The following CROCC2 variants were observed in gnomAD, a reference collection of about 807,000 sequenced individuals.
CROCC2 encodes ciliary rootlet coiled-coil protein 2.
CROCC2 carries 163 observed loss-of-function variants against 177.6 expected under a neutral mutation model. The ratio of observed to expected loss-of-function variants is 0.92; its 90% CI spans 0.81 to 1.05. CROCC2 has a LOEUF of 1.05. Ranked by LOEUF, CROCC2 falls within the 50% of genes least tolerant of loss-of-function variation. The pLI, the probability that CROCC2 is intolerant of heterozygous loss-of-function variation, is 0.00. For synonymous variants in CROCC2, 904 were observed against 787.3 expected (o/e 1.15, Z -2.48); for missense variants, 1,929 against 1,797.8 (o/e 1.07, Z -1.32).
chr2:240,932,079 G>C (rs556308792), intron 7 of CROCC2, among the ~76,000 whole-genome samples: 12 of 152,386 alleles, frequency 7.9e-5, no homozygotes, highest in African/African-American at 2.6e-4. Flanking sequence ...CACTGCATCT[G>C]AGGCTGGAGA....
chr2:240,959,640 T>A, intron 20 of CROCC2, 196 bp downstream of exon 20: 1 of 622,862 alleles, frequency 1.6e-6, no homozygotes, highest in Non-Finnish European at 2.6e-6. Flanking sequence ...CACCACGCAC[T>A]AAGCCAAGCC....
At chr2:240,962,492 A>AGGGGAGCG (rs1157434813) in intron 20 of CROCC2, among the ~76,000 whole-genome samples, 1 of 151,970 alleles carries the variant, frequency 6.6e-6, no homozygotes, top group Non-Finnish European at 1.5e-5. Context: ...GTGGGGGTGG[A>AGGGGAGCG]GGGGAGCGGA....
chr2:240,955,143 A>T (rs1273769026), intron 18 of CROCC2: 6 of 152,060 alleles, frequency 3.9e-5, no homozygotes, highest in Non-Finnish European at 7.4e-5. Flanking sequence ...TCTGGGCTGC[A>T]TGCTGAGCTG....
chr2:240,956,818 G>A (rs532876696), intron 19 of CROCC2, among the ~76,000 whole-genome samples: 33 of 152,344 alleles, frequency 2.2e-4, no homozygotes, highest in African/African-American at 7.5e-4. Context: ...ATCTGTGATG[G>A]GGCACCAGGT....
rs1559588906 is a variant in CROCC2 at position 240,917,677 on chromosome 2, T to G, written c.79-1049T>G. The stretch of plus-strand genomic sequence containing the variant: ...TCTGGCGTGCCATGCTGGAGAGCCC[T>G]AGGAGTGGACATCCCCTCCCAGCTT... On this transcript the variant is annotated intron_variant, in intron 1 of 31. Coordinates refer to ENST00000690015, the MANE Select transcript of CROCC2 (RefSeq NM_001351305.2). This position sits in a 1 kb window ranked among gnomAD's most constrained non-coding sequence, Gnocchi z 4.9. 1.3e-5 allele frequency among the ~76,000 whole-genome samples: 2 copies of G among 152,104 alleles called. No individual in the cohort carries two copies. Among genetic ancestry groups the G allele is most frequent in the East Asian group, 3.9e-4 (2 of 5,190 alleles).
At chr2:240,921,933 A>C (rs1168111971) in intron 3 of CROCC2, among the ~76,000 whole-genome samples, 2 of 152,162 alleles carry the variant, frequency 1.3e-5, no homozygotes, top group Non-Finnish European at 2.9e-5. Flanking sequence ...CAGTGGTGGC[A>C]GAGTGGCCCT....
intron 1 of CROCC2, among the ~76,000 whole-genome samples, chr2:240,913,304 C>G (rs944380808): frequency 5.9e-5 from 9 of 152,102 alleles, no homozygotes; most frequent in Admixed American, 5.2e-4. Context: ...ACACAGTGCC[C>G]GGGCTCTCTA....
At chr2:240,956,833 C>T (rs1265646679) in intron 19 of CROCC2, among the ~76,000 whole-genome samples, 1 of 152,212 alleles carries the variant, frequency 6.6e-6, no homozygotes, top group Non-Finnish European at 1.5e-5. Context: ...CCAGGTCCCG[C>T]ATGGGAGATG....
chr2:240,920,145 G>A lies in CROCC2; in HGVS notation c.381+11G>A. 1.5e-6 allele frequency: 1 copy of A among 660,478 alleles called. No individual in the cohort carries two copies. Among genetic ancestry groups the A allele is most frequent in the East Asian group, 2.8e-5 (1 of 35,826 alleles). The allele number at this position is 660,478 out of a possible 1,614,324, so 40.9% of individuals were successfully genotyped here. A position where few individuals can be genotyped will look rare whatever the true frequency, so the allele number is the denominator to read the frequency against. On this transcript the variant is annotated intron_variant, in intron 3 of 31. Transcript: ENST00000690015. ...GTGGTCAGCGAGCAGGTGCGTGTGT[G>A]CAGCAGACTCAGGGCAGGCGGGAGG...
At chr2:240,983,387 C>CTCCCAA (rs1276990367) in intron 28 of CROCC2, 3 of 1,291,432 alleles carry the variant, frequency 2.3e-6, no homozygotes, top group Non-Finnish European at 1.0e-6. Flanking sequence ...AACTCGGGCC[C>CTCCCAA]TCCCAATCCC....
intron 28 of CROCC2, among the ~76,000 whole-genome samples, chr2:240,987,935 C>T (rs76249951): frequency 0.032 from 4,843 of 152,332 alleles, 494 homozygotes; most frequent in East Asian, 0.29. Context: ...ATGAGGCATG[C>T]CCCAGGCCAT....
chr2:240,914,713 C>T (rs1031522159), intron 1 of CROCC2, among the ~76,000 whole-genome samples: 2 of 152,158 alleles, frequency 1.3e-5, no homozygotes, highest in African/African-American at 4.8e-5. Context: ...GGTGGGTGGG[C>T]GGGGGTCCCG....
chr2:240,972,326 C>T lies in CROCC2; in HGVS notation c.4401+4064C>T, dbSNP rs543363677. ...GCCAGCAGTGGAGTTCTGGCCCTCC[C>T]GGAGCTGTTCTGTTCCTGAAGTGGG... On this transcript the variant is annotated intron_variant, in intron 27 of 31. Coordinates refer to ENST00000690015, the MANE Select transcript of CROCC2 (RefSeq NM_001351305.2). The surrounding 1 kb of genome is among the most constrained non-coding windows in gnomAD (Gnocchi z 7.1). 1.2e-4 allele frequency among the ~76,000 whole-genome samples: 19 copies of T among 152,260 alleles called. No individual in the cohort carries two copies. Among genetic ancestry groups the T allele is most frequent in the South Asian group, 4.1e-4 (2 of 4,820 alleles).
intron 14 of CROCC2, among the ~76,000 whole-genome samples, chr2:240,944,073 A>G (rs778064920): frequency 6.6e-6 from 1 of 152,172 alleles, no homozygotes; most frequent in Non-Finnish European, 1.5e-5. Flanking sequence ...TTACTTTTGA[A>G]GAATGTTTTC....
chr2:240,921,739 T>C (rs1410169145), intron 3 of CROCC2, among the ~76,000 whole-genome samples: 1 of 152,200 alleles, frequency 6.6e-6, no homozygotes, highest in Non-Finnish European at 1.5e-5. Flanking sequence ...GCCCGGCTCC[T>C]CCAGGGTCTT....
rs1297989664 is a variant in CROCC2 at position 240,934,361 on chromosome 2, G to A, written c.1677G>A (p.Lys559=). 6.5e-7 allele frequency: 1 copy of A among 1,548,730 alleles called. No homozygotes were observed. Among genetic ancestry groups the A allele is most frequent in the Non-Finnish European group, 8.7e-7 (1 of 1,146,918 alleles). Reference sequence around the variant, plus strand: ...GCCGCCTGCAGCAGCTGGAGGAGAAGGTCTCCGGGCTCAGAGAGGAGCTGG... The same window carrying A: ...GCCGCCTGCAGCAGCTGGAGGAGAAAGTCTCCGGGCTCAGAGAGGAGCTGG... ...SQGRLQQLEE[K]VSGLREELAS... The change falls in exon 12 of 32, where the codon AAG becomes AAA. Residue 559 remains lysine, a synonymous_variant. Coordinates refer to ENST00000690015, the MANE Select transcript of CROCC2 (RefSeq NM_001351305.2).
chr2:240,929,026 G>A (rs187833898), intron 5 of CROCC2, among the ~76,000 whole-genome samples: 5 of 150,616 alleles, frequency 3.3e-5, no homozygotes, highest in East Asian at 2.0e-4. Context: ...GGTGTAATGG[G>A]CACAGAGGGG....
At chr2:240,969,822 C>T (rs2059709224) in intron 27 of CROCC2, among the ~76,000 whole-genome samples, 2 of 152,166 alleles carry the variant, frequency 1.3e-5, no homozygotes, top group African/African-American at 4.8e-5. Context: ...CCTCCGCCTC[C>T]CAGGTTCAAG....
At chr2:240,910,547 C>T (rs1000300568) in intron 1 of CROCC2, among the ~76,000 whole-genome samples, 13 of 152,258 alleles carry the variant, frequency 8.5e-5, no homozygotes, top group South Asian at 6.2e-4. Context: ...CTGAGGGGCT[C>T]GAGACAGGGG....
Sources: gnomAD v4.1 joint callset for allele counts (sites outside exome capture counted in the v4.1 genomes callset) on GRCh38, gnomAD v4.1.1 for gene constraint, Gnocchi (gnomAD v3.1) non-coding constraint, MANE v1.5 for transcripts, NCBI Gene and HGNC (gene_info 2026-07-23, HGNC 2026-07-21) for gene names.